Variants in ACTL6A observed in about 807,000 individuals in gnomAD.
ACTL6A encodes actin like 6A.
In ACTL6A, 5 loss-of-function variants were observed where a neutral mutation model predicts 59.2. The ratio of observed to expected loss-of-function variants is 0.08; its 90% CI spans 0.04 to 0.18. The LOEUF is 0.18. Among genes scored for constraint, ACTL6A ranks in the 10% least tolerant of loss-of-function variants. The pLI is 1.00. For synonymous variants in ACTL6A, 154 were observed against 171.8 expected, an observed-to-expected ratio of 0.90 and a Z score of 0.81; for missense variants, 285 against 526.9, an observed-to-expected ratio of 0.54 and a Z score of 4.49.
intron 1 of ACTL6A, among the ~76,000 whole-genome samples, chr3:179,564,481 A>G (rs996176330): frequency 6.6e-6 from 1 of 152,202 alleles, no homozygotes; most frequent in African/African-American, 2.4e-5. Context: ...GGTTTTAAAC[A>G]TCCAGAACTC....
chr3:179,581,837 A>G (rs1385530415), intron 11 of ACTL6A, among the ~76,000 whole-genome samples: 1 of 152,216 alleles, frequency 6.6e-6, no homozygotes, highest in African/African-American at 2.4e-5. Flanking sequence ...AACGATGTAC[A>G]GTAGGTCCTT....
In ACTL6A at chr3:179,574,150, C is replaced by A. The variant is rs75985462; in HGVS notation, c.379-220C>A. Reference sequence around the variant, plus strand: ...ATTTTATTATTAAAGAATTTTAATTCTTCTCTGATAGATTTATTAAATTTA... The same window carrying A: ...ATTTTATTATTAAAGAATTTTAATTATTCTCTGATAGATTTATTAAATTTA... On this transcript the variant is annotated intron_variant, in intron 4 of 13. Transcript: ENST00000429709. Among the ~76,000 whole-genome samples, 819 of 152,106 alleles carry A rather than the reference C, an allele frequency of 5.4e-3. 16 individuals carry two copies. Among genetic ancestry groups the A allele is most frequent in the Admixed American group, 0.031 (471 of 15,270 alleles).
chr3:179,567,852 A>G lies in ACTL6A; in HGVS notation c.26-1972A>G, dbSNP rs1040111088. On this transcript the variant is annotated intron_variant, in intron 1 of 13. Transcript: ENST00000429709. ...TACGTAAACTTTCTTTTATATTAGA[A>G]ATTAAAATATGTCTCTGTTTTATTT... Among the ~76,000 whole-genome samples, 9 of 152,154 alleles carry G rather than the reference A, an allele frequency of 5.9e-5. No individual in the cohort carries two copies. The East Asian group carries it at 1.5e-3, about 26-fold the overall frequency.
At position 179,566,560 on chromosome 3, in the gene ACTL6A, T is replaced by C. The variant is rs373468960; in HGVS notation, c.26-3264T>C. On this transcript the variant is annotated intron_variant, in intron 1 of 13. Transcript: ENST00000429709. Reference sequence around the variant, plus strand: ...CACAATTCTAGAGGATAGAGGTAGATCTAAGTGTCAGCAGAGTTGGTTTCT... The same window carrying C: ...CACAATTCTAGAGGATAGAGGTAGACCTAAGTGTCAGCAGAGTTGGTTTCT... Among the ~76,000 whole-genome samples, 13 of 152,320 alleles carry C rather than the reference T, an allele frequency of 8.5e-5. No individual in the cohort carries two copies. The East Asian group carries it at 1.5e-3, about 18-fold the overall frequency.
At chr3:179,563,159 G>C (rs747142394) in intron 1 of ACTL6A, 42 bp downstream of exon 1, 3 of 1,592,904 alleles carry the variant, frequency 1.9e-6, no homozygotes, top group African/African-American at 1.3e-5. Flanking sequence ...CCTTTTCGGC[G>C]TGTGGGGTTT....
At chr3:179,587,650 G>A (rs1718545872) in intron 13 of ACTL6A, among the ~76,000 whole-genome samples, 1 of 152,040 alleles carries the variant, frequency 6.6e-6, no homozygotes, top group African/African-American at 2.4e-5. Flanking sequence ...GAGGCAGGAG[G>A]ATCACAGGTG....
chr3:179,586,863 G>A (rs1180148702), intron 13 of ACTL6A, among the ~76,000 whole-genome samples: 2 of 152,132 alleles, frequency 1.3e-5, no homozygotes, highest in East Asian at 3.9e-4. Context: ...AAACAGAGGT[G>A]GAAATATGTT....
intron 13 of ACTL6A, 62 bp downstream of exon 13, chr3:179,586,694 T>A: frequency 1.5e-6 from 2 of 1,320,322 alleles, no homozygotes; most frequent in Admixed American, 2.3e-5. Context: ...TTAGTAAAAA[T>A]ACAAAAAATA....
intron 1 of ACTL6A, among the ~76,000 whole-genome samples, chr3:179,563,322 G>C (rs1457044912): frequency 6.6e-6 from 1 of 152,048 alleles, no homozygotes; most frequent in Non-Finnish European, 1.5e-5. Context: ...CTGAAGTGGC[G>C]GCTCTCTGTG....
intron 8 of ACTL6A, among the ~76,000 whole-genome samples, chr3:179,579,417 C>G (rs1718264559): frequency 6.6e-6 from 1 of 150,700 alleles, no homozygotes; most frequent in Non-Finnish European, 1.5e-5. Flanking sequence ...GGGATCATAT[C>G]TAACAGGTTT....
chr3:179,564,992 C>T (rs955880165), intron 1 of ACTL6A, among the ~76,000 whole-genome samples: 2 of 151,708 alleles, frequency 1.3e-5, no homozygotes, highest in Non-Finnish European at 2.9e-5. Context: ...GAGCCACTGC[C>T]CCCAGTCAGA....
intron 3 of ACTL6A, among the ~76,000 whole-genome samples, chr3:179,571,438 A>G (rs1718005832): frequency 8.8e-6 from 1 of 113,454 alleles, no homozygotes. Flanking sequence ...AAAACAAAAA[A>G]AAAAAACAAG....
chr3:179,574,649 G>T, intron 5 of ACTL6A, 182 bp downstream of exon 5: 1 of 523,394 alleles, frequency 1.9e-6, no homozygotes, highest in Non-Finnish European at 3.4e-6. Flanking sequence ...TACACCAGAA[G>T]GTATGAGGGA....
In ACTL6A at chr3:179,581,088, G is replaced by A; in HGVS notation, c.946-52G>A. 3.1e-6 allele frequency: 5 copies of A among 1,601,762 alleles called. No individual in the cohort carries two copies. In the South Asian group the frequency reaches 5.5e-5, roughly 18 times the overall value. On this transcript the variant is annotated intron_variant, in intron 10 of 13. Transcript: ENST00000429709. The stretch of plus-strand genomic sequence containing the variant: ...TTTGTGGCTAAAATGTTTTGGATAT[G>A]CTTTACTGTATGAAGAGCTTCCATG...
chr3:179,575,179 C>G (rs1297284846), intron 5 of ACTL6A: 1 of 352,104 alleles, frequency 2.8e-6, no homozygotes, highest in Non-Finnish European at 5.5e-6. Flanking sequence ...CTGCTTTAAG[C>G]CAGAATCGTC....
chr3:179,588,289 G>T lies in ACTL6A; in HGVS notation c.*279G>T, dbSNP rs567368258. 3.3e-6 allele frequency: 1 copy of T among 304,966 alleles called. No homozygotes were observed. The highest frequency in any genetic ancestry group is 6.9e-5 in the East Asian group (1 of 14,458). 18.9% of individuals were successfully genotyped at this position (304,966 alleles called of 1,614,324 possible). On this transcript the variant is annotated 3_prime_UTR_variant, in exon 14 of 14. Transcript: ENST00000429709. The stretch of plus-strand genomic sequence containing the variant: ...GTAAAATGCTTTCCAACTCTGTTTA[G>T]TGTATTAATTACCAGTGGATTGGTA...
chr3:179,575,619 A>G (rs1323089634), intron 5 of ACTL6A: 4 of 365,118 alleles, frequency 1.1e-5, no homozygotes, highest in Non-Finnish European at 2.1e-5. Flanking sequence ...ACTCCTAAAC[A>G]TCAGTTTAGT....
At chr3:179,582,036 C>A (rs993856225) in intron 11 of ACTL6A, among the ~76,000 whole-genome samples, 1 of 152,178 alleles carries the variant, frequency 6.6e-6, no homozygotes, top group Non-Finnish European at 1.5e-5. Flanking sequence ...GTGCTAATAA[C>A]TACTATGTTA....
intron 1 of ACTL6A, among the ~76,000 whole-genome samples, chr3:179,563,651 C>T (rs1035464035): frequency 6.6e-6 from 1 of 152,262 alleles, no homozygotes; most frequent in African/African-American, 2.4e-5. Context: ...GGTACTGCCT[C>T]CTCCCCGTCT....
Sources: allele counts gnomAD v4.1 joint callset (sites outside exome capture counted in the v4.1 genomes callset), GRCh38; gene constraint gnomAD v4.1.1; transcripts MANE v1.5; gene names NCBI Gene and HGNC (gene_info 2026-07-23, HGNC 2026-07-21).